Variants in NR2F1-AS1 observed in about 807,000 individuals in gnomAD.
NR2F1-AS1 encodes NR2F1 regulatory antisense RNA 1, also known as NR2F1 antisense RNA 1.
intron 4 of NR2F1-AS1, among the ~76,000 whole-genome samples, chr5:93,522,819 CT>C (rs1248180883): frequency 6.6e-6 from 1 of 152,204 alleles, no homozygotes; most frequent in Admixed American, 6.5e-5. Flanking sequence ...GGCCCAGATA[CT>C]ATGCTTTTCC....
intron 1 of NR2F1-AS1, among the ~76,000 whole-genome samples, chr5:93,577,807 C>T (rs1179854251): frequency 6.6e-6 from 1 of 152,146 alleles, no homozygotes; most frequent in African/African-American, 2.4e-5. Flanking sequence ...ATGTTCATCT[C>T]TCCAGATGGG....
chr5:93,480,063 T>C (rs1386258711), intron 4 of NR2F1-AS1, among the ~76,000 whole-genome samples: 2 of 151,918 alleles, frequency 1.3e-5, no homozygotes, highest in Non-Finnish European at 2.9e-5. Flanking sequence ...TGCACCAACA[T>C]ACACATTATG....
intron 1 of NR2F1-AS1, among the ~76,000 whole-genome samples, chr5:93,574,697 CCTTT>C (rs1209076270): frequency 1.3e-5 from 2 of 152,184 alleles, no homozygotes; most frequent in African/African-American, 4.8e-5. Flanking sequence ...TTTTCCCCTT[CCTTT>C]CTTATATTTT....
intron 4 of NR2F1-AS1, among the ~76,000 whole-genome samples, chr5:93,508,213 T>C (rs973108171): frequency 2.0e-5 from 3 of 152,206 alleles, no homozygotes; most frequent in African/African-American, 7.2e-5. Flanking sequence ...GCCATCATCC[T>C]ATTATAAAGC....
intron 1 of NR2F1-AS1, among the ~76,000 whole-genome samples, chr5:93,577,115 A>T (rs1752914110): frequency 6.6e-6 from 1 of 152,238 alleles, no homozygotes; most frequent in Non-Finnish European, 1.5e-5. Context: ...CTCGATTTGC[A>T]TCCAAAGGTC....
At chr5:93,516,640 C>G (rs1477465566) in intron 4 of NR2F1-AS1, among the ~76,000 whole-genome samples, 2 of 151,824 alleles carry the variant, frequency 1.3e-5, no homozygotes, top group Non-Finnish European at 2.9e-5. Flanking sequence ...GTTAAGTGAA[C>G]TGTCAGAGAT....
intron 4 of NR2F1-AS1, among the ~76,000 whole-genome samples, chr5:93,454,503 A>C (rs1004972814): frequency 7.2e-5 from 11 of 152,158 alleles, no homozygotes; most frequent in African/African-American, 2.7e-4. Context: ...TTGATCTAAT[A>C]CTTGGTCTTT....
At chr5:93,421,069 A>T (rs751405152) in intron 4 of NR2F1-AS1, among the ~76,000 whole-genome samples, 3 of 152,198 alleles carry the variant, frequency 2.0e-5, no homozygotes, top group Non-Finnish European at 4.4e-5. Flanking sequence ...TTCATAAGAA[A>T]CTTTGAGTGA....
chr5:93,456,608 A>G (rs1276679363), intron 4 of NR2F1-AS1, among the ~76,000 whole-genome samples: 1 of 152,168 alleles, frequency 6.6e-6, no homozygotes, highest in Non-Finnish European at 1.5e-5. Flanking sequence ...TAAAATTTAA[A>G]TGAAAATACA....
chr5:93,444,989 T>C lies in NR2F1-AS1; in HGVS notation n.639-49447A>G, dbSNP rs191860455. Among the ~76,000 whole-genome samples the C allele has an allele frequency of 1.3e-3, 200 of 152,286 alleles. 2 individuals carry two copies. Among genetic ancestry groups the C allele is most frequent in the Admixed American group, 0.012 (179 of 15,282 alleles). On this transcript the variant is annotated intron_variant and non_coding_transcript_variant, in intron 4 of 5. Coordinates refer to ENST00000660523, the Ensembl canonical transcript of NR2F1-AS1. ...AAAATGAAGGCAGAAATAAAGATGT[T>C]CTTTGAAACCAATAAGAACAAAGAC... is the stretch of plus-strand genomic sequence containing the variant.
At chr5:93,427,138 A>C (rs1749211931) in intron 4 of NR2F1-AS1, among the ~76,000 whole-genome samples, 1 of 152,206 alleles carries the variant, frequency 6.6e-6, no homozygotes, top group African/African-American at 2.4e-5. Context: ...CTGTAATGGT[A>C]GTAAACAAAT....
chr5:93,429,031 A>C (rs1243096610), intron 4 of NR2F1-AS1, among the ~76,000 whole-genome samples: 1 of 152,162 alleles, frequency 6.6e-6, no homozygotes, highest in Non-Finnish European at 1.5e-5. Context: ...GACTGGCTTC[A>C]TCTTTCTTAA....
At chr5:93,448,297 T>C (rs1484834976) in intron 4 of NR2F1-AS1, among the ~76,000 whole-genome samples, 2 of 152,202 alleles carry the variant, frequency 1.3e-5, no homozygotes, top group East Asian at 3.9e-4. Context: ...CCAATAAGCT[T>C]TCCTGCCTTT....
chr5:93,522,798 C>T (rs181318596), intron 4 of NR2F1-AS1, among the ~76,000 whole-genome samples: 373 of 152,310 alleles, frequency 2.4e-3, no homozygotes, highest in African/African-American at 8.6e-3. Context: ...ACATGAGGGA[C>T]GGTGCATTCT....
intron 2 of NR2F1-AS1, among the ~76,000 whole-genome samples, chr5:93,558,451 A>T (rs1752413233): frequency 6.6e-6 from 1 of 151,046 alleles, no homozygotes. Flanking sequence ...CTCCCTAGTA[A>T]CTGGGATTAC....
At chr5:93,569,991 C>G (rs1393402275) in intron 1 of NR2F1-AS1, 2 of 152,224 alleles carry the variant, frequency 1.3e-5, no homozygotes, top group Non-Finnish European at 2.9e-5. Flanking sequence ...ATTTCCGTTT[C>G]TCAGTCCCTG....
At chr5:93,454,803 G>T (rs1749911586) in intron 4 of NR2F1-AS1, among the ~76,000 whole-genome samples, 1 of 152,140 alleles carries the variant, frequency 6.6e-6, no homozygotes, top group Admixed American at 6.5e-5. Flanking sequence ...GAAGTACAGG[G>T]TTCAGAGAGC....
At chr5:93,583,383 T>A (rs1449175251), upstream of NR2F1-AS1, 1 of 151,066 alleles carries the variant, frequency 6.6e-6, no homozygotes, top group Non-Finnish European at 1.5e-5. Context: ...CTCTCCTCTC[T>A]TCTCTGAACC....
At chr5:93,445,277 G>A (rs31468) in intron 4 of NR2F1-AS1, among the ~76,000 whole-genome samples, 114,013 of 152,052 alleles carry the variant, frequency 0.75, 43,056 homozygotes, top group East Asian at 0.85. Flanking sequence ...TTTTTTGAAA[G>A]GATCAACAAA....
Sources: allele counts gnomAD v4.1 joint callset (sites outside exome capture counted in the v4.1 genomes callset), GRCh38; gene constraint gnomAD v4.1.1; transcripts MANE v1.5; gene names NCBI Gene and HGNC (gene_info 2026-07-23, HGNC 2026-07-21).